KCNJ15: variants seen among roughly 807,000 people sequenced by gnomAD.
KCNJ15 encodes the protein potassium inwardly rectifying channel subfamily J member 15.
A neutral mutation model predicts 23.0 loss-of-function variants in KCNJ15; 14 were observed. The observed-to-expected ratio is 0.61, with a 90% CI of 0.40 to 0.95. The LOEUF (loss-of-function observed/expected upper bound fraction) is 0.95, where lower values mean the gene tolerates loss of function less well. Among genes scored for constraint, KCNJ15 ranks in the 40% least tolerant of loss-of-function variants. KCNJ15 has a pLI of 0.00. For synonymous variants in KCNJ15, 185 were observed against 183.2 expected, an observed-to-expected ratio of 1.01 and a Z score of -0.08; for missense variants, 388 against 461.8, an observed-to-expected ratio of 0.84 and a Z score of 1.46.
chr21:38,258,584 G>C (rs1438053380), intron 1 of KCNJ15, among the ~76,000 whole-genome samples: 1 of 152,234 alleles, frequency 6.6e-6, no homozygotes, highest in Non-Finnish European at 1.5e-5. Context: ...CCTGGTAGCA[G>C]CATGTCAGAA....
chr21:38,250,437 A>T (rs879670652), intron 1 of KCNJ15, among the ~76,000 whole-genome samples: 2 of 152,368 alleles, frequency 1.3e-5, no homozygotes, highest in East Asian at 3.9e-4. Flanking sequence ...GCCATAAAAC[A>T]TGCAGTGTGT....
At position 38,274,260 on chromosome 21, in the gene KCNJ15, G is replaced by A. The variant is rs16996064; in HGVS notation, c.-117+17075G>A. 8.7e-3 allele frequency among the ~76,000 whole-genome samples: 1,323 copies of A among 152,288 alleles called. 23 individuals are homozygous for A. The highest frequency in any genetic ancestry group is 0.03 in the African/African-American group (1,238 of 41,560). ...CTGAATCCTTTCTTCATCTCTTGTT[G>A]CCTCTCCTACATGTGACTCAAAAGC... is the stretch of plus-strand genomic sequence containing the variant. On this transcript the variant is annotated intron_variant, in intron 1 of 2. Coordinates refer to ENST00000398938, the MANE Select transcript of KCNJ15 (RefSeq NM_170736.3).
chr21:38,241,479 G>A (rs1239835021), intron 1 of KCNJ15, among the ~76,000 whole-genome samples: 2 of 152,168 alleles, frequency 1.3e-5, no homozygotes, highest in African/African-American at 4.8e-5. Context: ...GGGACAGCAC[G>A]GTGGAATTTT....
rs148862396 is a variant in KCNJ15, at chr21:38,244,207, T to C, written c.-398-12839T>C. Among the ~76,000 whole-genome samples, 18 of 152,262 alleles carry C rather than the reference T, an allele frequency of 1.2e-4. 1 individual carries two copies. Among genetic ancestry groups the C allele is most frequent in the East Asian group, 3.9e-4 (2 of 5,188 alleles). Reference sequence around the variant, plus strand: ...TGACTGCTTTTTGTGGTTAAACTGGTTTCGAACCCACCAAAGTCTAGAAGA... The same window carrying C: ...TGACTGCTTTTTGTGGTTAAACTGGCTTCGAACCCACCAAAGTCTAGAAGA... On this transcript the variant is annotated intron_variant, in intron 1 of 4. Transcript: ENST00000547341.
At chr21:38,247,057 A>AATGGATGGATGGATGGATGGATGGATGG (rs1234072753) in intron 1 of KCNJ15, among the ~76,000 whole-genome samples, 4 of 120,090 alleles carry the variant, frequency 3.3e-5, no homozygotes, top group Non-Finnish European at 5.4e-5. Context: ...TGGATGGGTG[A>AATGGATGGATGGATGGATGGATGGATGG]ATGGATGGAT....
chr21:38,282,003 T>C (rs1983401105), intron 1 of KCNJ15, among the ~76,000 whole-genome samples: 1 of 152,190 alleles, frequency 6.6e-6, no homozygotes, highest in South Asian at 2.1e-4. Flanking sequence ...TTGATATGCA[T>C]TTCTCTAGTG....
upstream of KCNJ15, among the ~76,000 whole-genome samples, chr21:38,254,880 G>A (rs1013212971): frequency 1.5e-4 from 23 of 152,150 alleles, no homozygotes; most frequent in African/African-American, 5.6e-4. Flanking sequence ...GTAAAGCTTA[G>A]GCTGGAAATA....
intron 1 of KCNJ15, among the ~76,000 whole-genome samples, chr21:38,275,530 A>G (rs1036638672): frequency 8.6e-5 from 13 of 151,756 alleles, no homozygotes; most frequent in African/African-American, 1.9e-4. Context: ...AAAAAAAAAA[A>G]AAAAAAAAAA....
intron 1 of KCNJ15, among the ~76,000 whole-genome samples, chr21:38,296,296 GATA>G (rs1375991174): frequency 5.0e-4 from 9 of 18,154 alleles, no homozygotes; most frequent in African/African-American, 1.0e-3. Flanking sequence ...ATAGATAATA[GATA>G]GGCAGATAGC....
intron 1 of KCNJ15, among the ~76,000 whole-genome samples, chr21:38,246,118 G>A (rs190807248): frequency 3.2e-4 from 48 of 152,232 alleles, no homozygotes; most frequent in Admixed American, 2.6e-3. Context: ...TAAATGACAC[G>A]GTAGACATAA....
intron 1 of KCNJ15, among the ~76,000 whole-genome samples, chr21:38,270,911 C>A (rs73414762): frequency 6.6e-6 from 1 of 152,186 alleles, no homozygotes; most frequent in South Asian, 2.1e-4. Context: ...ATTCCCTATA[C>A]GTTGCATGCA....
At chr21:38,298,535 T>G (rs1176469013) in intron 2 of KCNJ15, among the ~76,000 whole-genome samples, 1 of 152,230 alleles carries the variant, frequency 6.6e-6, no homozygotes, top group Admixed American at 6.5e-5. Flanking sequence ...ACTGAGTTTT[T>G]TCCAAAGTCA....
intron 1 of KCNJ15, among the ~76,000 whole-genome samples, chr21:38,234,796 C>A (rs1390905704): frequency 1.3e-5 from 2 of 152,164 alleles, no homozygotes; most frequent in Admixed American, 1.3e-4. Flanking sequence ...ATGAGCAAAT[C>A]CTTTTTTACA....
intron 1 of KCNJ15, chr21:38,238,650 A>C: frequency 1.8e-6 from 1 of 566,800 alleles, no homozygotes; most frequent in Non-Finnish European, 3.4e-6. Flanking sequence ...CTGACACGGA[A>C]TTGGCGCTGG....
intron 1 of KCNJ15, among the ~76,000 whole-genome samples, chr21:38,281,596 A>G (rs1983350896): frequency 1.3e-5 from 2 of 152,226 alleles, no homozygotes; most frequent in South Asian, 4.1e-4. Context: ...TGCAAAGAAC[A>G]TGATTTAATT....
At chr21:38,291,479 C>T (rs1380251138) in intron 1 of KCNJ15, 1 of 152,234 alleles carries the variant, frequency 6.6e-6, no homozygotes, top group Admixed American at 6.5e-5. Flanking sequence ...ACTAAAAACT[C>T]CACCTGGCCA....
chr21:38,236,450 T>C (rs560024917), intron 1 of KCNJ15, among the ~76,000 whole-genome samples: 8 of 152,312 alleles, frequency 5.3e-5, no homozygotes, highest in African/African-American at 1.7e-4. Context: ...TCTGCATATC[T>C]AGTACTTTGC....
chr21:38,291,965 C>T (rs749240077), intron 1 of KCNJ15, among the ~76,000 whole-genome samples: 5 of 152,148 alleles, frequency 3.3e-5, no homozygotes, highest in Non-Finnish European at 7.3e-5. Flanking sequence ...TAATATCAGG[C>T]CTGGCACAGG....
chr21:38,241,870 G>A (rs1469285385), intron 1 of KCNJ15, among the ~76,000 whole-genome samples: 3 of 151,400 alleles, frequency 2.0e-5, no homozygotes, highest in African/African-American at 2.4e-5. Context: ...TTGGAAGACT[G>A]AGGCAGGAGA....
Sources: allele counts gnomAD v4.1 joint callset (sites outside exome capture counted in the v4.1 genomes callset), GRCh38; gene constraint gnomAD v4.1.1; transcripts MANE v1.5; gene names NCBI Gene and HGNC (gene_info 2026-07-23, HGNC 2026-07-21).